The following SLCO3A1 variants were observed in gnomAD, a reference collection of about 807,000 sequenced individuals.
The protein encoded by SLCO3A1 is PGE1 transporter.
SLCO3A1 carries 27 observed loss-of-function variants against 63.1 expected under a neutral mutation model. That is an observed-to-expected ratio of 0.43 (90% CI 0.32 to 0.59). SLCO3A1 has a LOEUF of 0.59. Among genes scored for constraint, SLCO3A1 ranks in the 20% least tolerant of loss-of-function variants. The pLI, the probability that SLCO3A1 is intolerant of heterozygous loss-of-function variation, is 0.09. For synonymous variants in SLCO3A1, 473 were observed against 409.9 expected (o/e 1.15, Z -1.86); for missense variants, 773 against 945.8 (o/e 0.82, Z 2.40).
At chr15:91,917,861 T>C (rs1898715251) in intron 2 of SLCO3A1, among the ~76,000 whole-genome samples, 1 of 152,254 alleles carries the variant, frequency 6.6e-6, no homozygotes, top group South Asian at 2.1e-4. Flanking sequence ...GTCCACCCTC[T>C]GACTTGACTG....
At chr15:92,084,470 T>C (rs1344027995) in intron 2 of SLCO3A1, among the ~76,000 whole-genome samples, 1 of 152,164 alleles carries the variant, frequency 6.6e-6, no homozygotes. Context: ...TGTACCATGC[T>C]CACAGACACA....
At position 92,128,392 on chromosome 15, in the gene SLCO3A1, A is replaced by G. The variant is rs746969268; in HGVS notation, c.1415A>G (p.Asn472Ser). The change falls in exon 7 of 10, where the codon AAT (asparagine) becomes AGT (serine). Residue 472 changes from asparagine (N) to serine (S), a missense_variant. By Grantham distance (46) the Asn-to-Ser change is conservative. Coordinates refer to ENST00000318445, the MANE Select transcript of SLCO3A1 (RefSeq NM_013272.4). ...GCCCTGGACCCCTACTCGCCCTGCA[A>G]TAATAACTGTGAATGCCAAACCGAT... is the stretch of plus-strand genomic sequence containing the variant. The part of the protein sequence containing the change: ...GSALDPYSPC[N>S]NNCECQTDSF... 1.2e-6 allele frequency: 2 copies of G among 1,614,142 alleles called. No homozygotes were observed. Among genetic ancestry groups the G allele is most frequent in the Non-Finnish European group, 1.7e-6 (2 of 1,180,002 alleles).
At chr15:91,896,442 C>T (rs1187961584) in intron 1 of SLCO3A1, among the ~76,000 whole-genome samples, 1 of 152,218 alleles carries the variant, frequency 6.6e-6, no homozygotes, top group Non-Finnish European at 1.5e-5. Context: ...TGTCCCCATC[C>T]AAATCTCATC....
chr15:91,999,917 C>T (rs767469302), intron 2 of SLCO3A1, among the ~76,000 whole-genome samples: 1 of 152,184 alleles, frequency 6.6e-6, no homozygotes, highest in Non-Finnish European at 1.5e-5. Context: ...AGAATGTTCA[C>T]TGGGGCATTG....
chr15:92,147,752 T>G (rs71412546), intron 8 of SLCO3A1, among the ~76,000 whole-genome samples: 1 of 152,176 alleles, frequency 6.6e-6, no homozygotes, highest in East Asian at 1.9e-4. Context: ...GTTACCTGTC[T>G]CTGGGGACCT....
chr15:92,052,666 G>T (rs1387064517), intron 2 of SLCO3A1, among the ~76,000 whole-genome samples: 4 of 152,104 alleles, frequency 2.6e-5, no homozygotes, highest in African/African-American at 9.7e-5. Context: ...CCAAGTTCTT[G>T]TCTTTCCCTC....
chr15:92,027,773 T>C (rs1216371723), intron 2 of SLCO3A1, among the ~76,000 whole-genome samples: 1 of 152,146 alleles, frequency 6.6e-6, no homozygotes, highest in Non-Finnish European at 1.5e-5. Context: ...GCTGGAGGAA[T>C]AGATCATGAA....
rs2048463001 is a variant in SLCO3A1 at position 92,163,237 on chromosome 15, A to ACACAGGCACAGATG, written c.*107_*120dup. ...AAAAAAACCAAAACTCAGTACACAC[A>ACACAGGCACAGATG]CACAGGCACAGATGCACACACACGC... On this transcript the variant is annotated 3_prime_UTR_variant, in exon 10 of 10. Coordinates refer to ENST00000318445, the MANE Select transcript of SLCO3A1 (RefSeq NM_013272.4). 6 of 1,434,196 alleles carry ACACAGGCACAGATG rather than the reference A, an allele frequency of 4.2e-6. No individual in the cohort carries two copies. The highest frequency in any genetic ancestry group is 5.4e-6 in the Non-Finnish European group (6 of 1,102,668). 88.8% of individuals were successfully genotyped at this position (1,434,196 alleles called of 1,614,324 possible). A position where few individuals can be genotyped will look rare whatever the true frequency, so the allele number is the denominator to read the frequency against.
chr15:91,980,935 A>C (rs1210763996), intron 2 of SLCO3A1, among the ~76,000 whole-genome samples: 1 of 152,212 alleles, frequency 6.6e-6, no homozygotes, highest in Non-Finnish European at 1.5e-5. Context: ...AGAAACTGGC[A>C]TGACCCTTTA....
At chr15:92,109,466 C>G (rs987230817) in intron 4 of SLCO3A1, among the ~76,000 whole-genome samples, 3 of 152,150 alleles carry the variant, frequency 2.0e-5, no homozygotes, top group Non-Finnish European at 4.4e-5. Flanking sequence ...AGGGGAGAAC[C>G]AACTCCCTGC....
chr15:92,049,842 A>G (rs1359036123), intron 2 of SLCO3A1, among the ~76,000 whole-genome samples: 3 of 152,148 alleles, frequency 2.0e-5, no homozygotes, highest in African/African-American at 7.2e-5. Context: ...GGAGGCGGGG[A>G]GGAAAAGAAG....
At chr15:91,972,160 T>A (rs1389861721) in intron 2 of SLCO3A1, among the ~76,000 whole-genome samples, 1 of 152,068 alleles carries the variant, frequency 6.6e-6, no homozygotes, top group Non-Finnish European at 1.5e-5. Context: ...TGATACCATA[T>A]TGGAAAACGT....
chr15:92,090,873 A>T (rs768011501), intron 2 of SLCO3A1, among the ~76,000 whole-genome samples: 1 of 152,144 alleles, frequency 6.6e-6, no homozygotes. Flanking sequence ...AGGTCATTCA[A>T]TCCTCACCAC....
At chr15:91,962,211 G>A (rs142993454) in intron 2 of SLCO3A1, among the ~76,000 whole-genome samples, 2 of 152,258 alleles carry the variant, frequency 1.3e-5, no homozygotes, top group Non-Finnish European at 2.9e-5. Context: ...CGTGCACAGT[G>A]GCTCACACCT....
At chr15:92,060,951 C>CT (rs1466453379) in intron 2 of SLCO3A1, among the ~76,000 whole-genome samples, 3 of 152,162 alleles carry the variant, frequency 2.0e-5, no homozygotes, top group African/African-American at 7.2e-5. Flanking sequence ...TCATTATTAT[C>CT]TTATGGGACC....
At chr15:92,100,704 A>T (rs2047595373) in intron 3 of SLCO3A1, among the ~76,000 whole-genome samples, 1 of 152,158 alleles carries the variant, frequency 6.6e-6, no homozygotes. Context: ...TAGAACGTGG[A>T]TTTCTATTTC....
intron 1 of SLCO3A1, chr15:91,889,150 C>G: frequency 1.6e-6 from 2 of 1,283,292 alleles, no homozygotes; most frequent in Non-Finnish European, 2.0e-6. Flanking sequence ...TGCATAAACT[C>G]TTATTGTTCC....
chr15:92,093,558 T>G (rs1358908376), intron 2 of SLCO3A1, among the ~76,000 whole-genome samples: 2 of 152,234 alleles, frequency 1.3e-5, no homozygotes, highest in Non-Finnish European at 2.9e-5. Flanking sequence ...GCCCGGTATT[T>G]AAAAACCATT....
At chr15:91,973,382 A>G (rs8040046) in intron 2 of SLCO3A1, among the ~76,000 whole-genome samples, 55,192 of 152,136 alleles carry the variant, frequency 0.36, 10,155 homozygotes, top group Non-Finnish European at 0.37. Flanking sequence ...GTCAGAGGAC[A>G]CACAGCTAGT....
Sources: gnomAD v4.1 joint callset for allele counts (sites outside exome capture counted in the v4.1 genomes callset) on GRCh38, gnomAD v4.1.1 for gene constraint, MANE v1.5 for transcripts, NCBI Gene and HGNC (gene_info 2026-07-23, HGNC 2026-07-21) for gene names.